The following AADACL4 variants were observed in gnomAD, a reference collection of about 807,000 sequenced individuals.
The protein encoded by AADACL4 is arylacetamide deacetylase like 4, also known as arylacetamide deacetylase-like 4.
In AADACL4, 9 loss-of-function variants were observed where a neutral mutation model predicts 14.1. That is an observed-to-expected ratio of 0.64 (90% CI 0.39 to 1.12). The LOEUF (loss-of-function observed/expected upper bound fraction) is 1.12, where lower values mean the gene tolerates loss of function less well. Ranked by LOEUF, AADACL4 falls within the 50% of genes most tolerant of loss-of-function variation. AADACL4 has a pLI of 0.01. For synonymous variants in AADACL4, 188 were observed against 201.6 expected, an observed-to-expected ratio of 0.93 and a Z score of 0.57; for missense variants, 531 against 516.1, an observed-to-expected ratio of 1.03 and a Z score of -0.28.
intron 1 of AADACL4, among the ~76,000 whole-genome samples, chr1:12,648,373 C>T (rs889993017): frequency 1.3e-5 from 2 of 148,958 alleles, no homozygotes; most frequent in Non-Finnish European, 1.5e-5. Context: ...TCCTTCCTTC[C>T]TTCCTTCCTT....
At position 12,666,165 on chromosome 1, in the gene AADACL4, GGTTCTGATTTATCCAGTT is replaced by G; in HGVS notation, c.657_674del (p.Leu220_Val225del). On this transcript the variant is annotated inframe_deletion, in exon 4 of 4. Coordinates refer to ENST00000376221, the MANE Select transcript of AADACL4 (RefSeq NM_001013630.2). ...CAGATCTTCCCCGGATCCGGGCTCA[GGTTCTGATTTATCCAGTT>G]GTCCAGGCATTCTGTTTGCAGTTGC... The G allele has an allele frequency of 6.2e-7, 1 of 1,614,252 alleles. No homozygotes were observed. The highest frequency in any genetic ancestry group is 8.5e-7 in the Non-Finnish European group (1 of 1,180,054).
Position 12,644,196 on chromosome 1 carries a change from A to C in AADACL4, c.-351A>C, listed in dbSNP as rs1459838112. Among the ~76,000 whole-genome samples, 3 of 152,314 alleles carry C rather than the reference A, an allele frequency of 2.0e-5. No homozygotes were observed. Among genetic ancestry groups the C allele is most frequent in the African/African-American group, 7.2e-5 (3 of 41,576 alleles). On this transcript the variant is annotated 5_prime_UTR_variant, in exon 1 of 4. Coordinates refer to ENST00000376221, the MANE Select transcript of AADACL4 (RefSeq NM_001013630.2). ...TTACAGTTGAAAGATCAGGCCCTGG[A>C]GGCCTATATAACCCATATGAGATCT... is the stretch of plus-strand genomic sequence containing the variant.
intron 2 of AADACL4, among the ~76,000 whole-genome samples, chr1:12,655,180 G>A (rs1647173891): frequency 6.6e-6 from 1 of 152,194 alleles, no homozygotes; most frequent in South Asian, 2.1e-4. Context: ...GTCCTAGCCT[G>A]CAGTTCAGGG....
chr1:12,666,914 C>A lies in AADACL4; in HGVS notation c.*179C>A. ...GTATTCAAGAAAATCCAAACTGTGT[C>A]TGTTTCCTTCCAGCACTAACAATGT... is the stretch of plus-strand genomic sequence containing the variant. On this transcript the variant is annotated 3_prime_UTR_variant, in exon 4 of 4. Transcript: ENST00000376221. 1.7e-6 allele frequency: 1 copy of A among 602,060 alleles called. No individual in the cohort carries two copies. The highest frequency in any genetic ancestry group is 2.8e-6 in the Non-Finnish European group (1 of 362,620). The allele number at this position is 602,060 out of a possible 1,614,324, so 37.3% of individuals were successfully genotyped here.
intron 3 of AADACL4, among the ~76,000 whole-genome samples, chr1:12,662,590 A>C (rs750535170): frequency 6.6e-6 from 1 of 152,162 alleles, no homozygotes; most frequent in Non-Finnish European, 1.5e-5. Flanking sequence ...GGGGCTACTC[A>C]CTAGGATTCT....
At chr1:12,664,029 A>G (rs1647271714) in intron 3 of AADACL4, among the ~76,000 whole-genome samples, 1 of 152,226 alleles carries the variant, frequency 6.6e-6, no homozygotes, top group Admixed American at 6.5e-5. Context: ...ACAAAATTCA[A>G]GGTATAATAG....
intron 3 of AADACL4, among the ~76,000 whole-genome samples, chr1:12,662,075 T>A (rs982190150): frequency 6.6e-6 from 1 of 152,100 alleles, no homozygotes; most frequent in Non-Finnish European, 1.5e-5. Flanking sequence ...GCACAGCAAC[T>A]GTTAGATTAC....
Position 12,666,765 on chromosome 1 carries a change from G to C in AADACL4, c.*30G>C. 1 of 1,560,762 alleles carries C rather than the reference G, an allele frequency of 6.4e-7. No individual in the cohort carries two copies. Among genetic ancestry groups the C allele is most frequent in the Non-Finnish European group, 8.6e-7 (1 of 1,159,038 alleles). ...AACCCTGGGGCCCCGAGGAGGAAGG[G>C]GCAAGTATGGACTCTACCAGAAACC... is the stretch of plus-strand genomic sequence containing the variant. On this transcript the variant is annotated 3_prime_UTR_variant, in exon 4 of 4. Coordinates refer to ENST00000376221, the MANE Select transcript of AADACL4 (RefSeq NM_001013630.2).
chr1:12,652,473 G>A (rs1023015418), intron 2 of AADACL4, among the ~76,000 whole-genome samples: 2 of 152,220 alleles, frequency 1.3e-5, no homozygotes, highest in African/African-American at 4.8e-5. Flanking sequence ...CCAAAGGCCA[G>A]TGGCACCTCC....
At chr1:12,647,044 TG>T (rs1212469887) in intron 1 of AADACL4, among the ~76,000 whole-genome samples, 1 of 151,972 alleles carries the variant, frequency 6.6e-6, no homozygotes, top group African/African-American at 2.4e-5. Context: ...ACTCGTTTTG[TG>T]GACTCATGTT....
intron 1 of AADACL4, among the ~76,000 whole-genome samples, chr1:12,650,699 A>G (rs937066969): frequency 6.6e-6 from 1 of 151,910 alleles, no homozygotes; most frequent in African/African-American, 2.4e-5. Flanking sequence ...TGCCCAGCTG[A>G]TTTTTGTAAT....
intron 2 of AADACL4, among the ~76,000 whole-genome samples, chr1:12,651,574 C>T (rs1384723487): frequency 6.6e-6 from 1 of 152,070 alleles, no homozygotes; most frequent in Admixed American, 6.6e-5. Context: ...AAGATGGGGA[C>T]AGCAGTGGTC....
intron 2 of AADACL4, among the ~76,000 whole-genome samples, chr1:12,654,216 A>T (rs1304443993): frequency 2.6e-5 from 4 of 152,222 alleles, no homozygotes; most frequent in African/African-American, 9.6e-5. Flanking sequence ...TTACGGTCTC[A>T]TTGTAAGTCT....
At position 12,651,163 on chromosome 1, in the gene AADACL4, A is replaced by C. The variant is rs528198918; in HGVS notation, c.209A>C (p.Lys70Thr). 25 of 1,614,164 alleles carry C rather than the reference A, an allele frequency of 1.5e-5. No individual in the cohort carries two copies. In the East Asian group the frequency reaches 1.6e-4, roughly 10 times the overall value. ...AAGCTGGGAATTTGCTCCATGCCCA[A>C]ATTTATTCGTTTTTTACATGATAGC... is the stretch of plus-strand genomic sequence containing the variant. ...FEKLGICSMPKFIRFLHDSVR... is the reference protein window; with the variant it reads ...FEKLGICSMPTFIRFLHDSVR... Residue 70 changes from lysine to threonine, a missense_variant, in exon 2 of 4, where the codon AAA (lysine) becomes ACA (threonine). By Grantham distance (78) the Lys-to-Thr change is moderately conservative. Coordinates refer to ENST00000376221, the MANE Select transcript of AADACL4 (RefSeq NM_001013630.2).
Position 12,666,375 on chromosome 1 carries a change from C to A in AADACL4, c.864C>A (p.Asp288Glu), listed in dbSNP as rs1224604552. The change falls in exon 4 of 4, where the codon GAC (aspartate) becomes GAA (glutamate). Residue 288 changes from aspartate to glutamate, a missense_variant. Coordinates refer to ENST00000376221, the MANE Select transcript of AADACL4 (RefSeq NM_001013630.2). ...WRKYEKWLSP[D>E]NIPKKFKNRG... is the part of the protein sequence containing the mutation. Reference sequence around the variant, plus strand: ...AGTACGAGAAGTGGCTCAGCCCTGACAACATCCCCAAGAAATTTAAGAACA... The same window carrying A: ...AGTACGAGAAGTGGCTCAGCCCTGAAAACATCCCCAAGAAATTTAAGAACA... 1 of 1,614,138 alleles carries A rather than the reference C, an allele frequency of 6.2e-7. No homozygotes were observed. The highest frequency in any genetic ancestry group is 2.2e-5 in the East Asian group (1 of 44,888).
rs192361423 is a variant in AADACL4, at chr1:12,654,710, T to C, written c.385+3371T>C. On this transcript the variant is annotated intron_variant, in intron 2 of 3. Coordinates refer to ENST00000376221, the MANE Select transcript of AADACL4 (RefSeq NM_001013630.2). The stretch of plus-strand genomic sequence containing the variant: ...TTGCAAAAATCTCAGGATAAGGTTA[T>C]GGCTGAAGGCAACCTAATCCTTACC... 5.1e-3 allele frequency among the ~76,000 whole-genome samples: 774 copies of C among 152,352 alleles called. 5 individuals are homozygous for C. The highest frequency in any genetic ancestry group is 0.014 in the South Asian group (68 of 4,830).
chr1:12,648,643 T>C (rs559051441), intron 1 of AADACL4, among the ~76,000 whole-genome samples: 1 of 151,370 alleles, frequency 6.6e-6, no homozygotes, highest in African/African-American at 2.4e-5. Flanking sequence ...GCTCAAGCAG[T>C]CTGCCAGCTT....
intron 2 of AADACL4, among the ~76,000 whole-genome samples, chr1:12,655,309 G>A (rs377395102): frequency 6.6e-5 from 10 of 152,060 alleles, no homozygotes; most frequent in South Asian, 2.1e-4. Context: ...AGTCAATTAC[G>A]AAATTAATAT....
chr1:12,644,501 A>G lies in AADACL4; in HGVS notation c.-46A>G, dbSNP rs958225708. ...CAGCCAGGTCCTCTTCACATAAGCT[A>G]TCAGACAAGCTCCTCAGGGCAGCAG... On this transcript the variant is annotated 5_prime_UTR_variant, in exon 1 of 4. Transcript: ENST00000376221. The G allele has an allele frequency of 4.4e-6, 7 of 1,599,698 alleles. No homozygotes were observed. The highest frequency in any genetic ancestry group is 6.0e-6 in the Non-Finnish European group (7 of 1,172,982).
Sources: allele counts gnomAD v4.1 joint callset (sites outside exome capture counted in the v4.1 genomes callset), GRCh38; gene constraint gnomAD v4.1.1; transcripts MANE v1.5; gene names NCBI Gene and HGNC (gene_info 2026-07-23, HGNC 2026-07-21).